Variants in CNTNAP2 observed in about 807,000 individuals in gnomAD.
CNTNAP2 encodes contactin associated protein 2, also known as contactin-associated protein-like 2.
In CNTNAP2, 98 loss-of-function variants were observed where a neutral mutation model predicts 155.2. The observed-to-expected ratio is 0.63, with a 90% confidence interval of 0.54 to 0.75. CNTNAP2 has a LOEUF of 0.75. Ranked by LOEUF, CNTNAP2 falls within the 30% of genes least tolerant of loss-of-function variation. The pLI is 0.00. For missense variants in CNTNAP2, 1,727 were observed against 1,688.1 expected (o/e 1.02, Z -0.40); for synonymous variants, 651 against 631.2 (o/e 1.03, Z -0.47).
intron 13 of CNTNAP2, among the ~76,000 whole-genome samples, chr7:147,658,603 G>A (rs1219446008): frequency 6.6e-6 from 1 of 152,154 alleles, no homozygotes; most frequent in African/African-American, 2.4e-5. Context: ...ATCTCCCCCT[G>A]CAGGGCTACC....
At chr7:147,462,765 G>A (rs951918327) in intron 10 of CNTNAP2, among the ~76,000 whole-genome samples, 9 of 152,108 alleles carry the variant, frequency 5.9e-5, no homozygotes, top group African/African-American at 2.2e-4. Context: ...TAATCAATGG[G>A]ATTTTTTGTT....
chr7:146,550,429 T>TTTA (rs1445469941), intron 1 of CNTNAP2, among the ~76,000 whole-genome samples: 2 of 136,388 alleles, frequency 1.5e-5, no homozygotes, highest in African/African-American at 5.4e-5. Context: ...TTTTTTTTTT[T>TTTA]ATAAAGTACC....
In CNTNAP2 at chr7:148,365,977, CAT is replaced by C. The variant is rs1798753394; in HGVS notation, c.3476-17671_3476-17670del. 1.7e-3 allele frequency among the ~76,000 whole-genome samples: 4 copies of C among 2,348 alleles called. 2 individuals carry two copies. Among genetic ancestry groups the C allele is most frequent in the African/African-American group, 2.0e-3 (4 of 1,956 alleles). 1.5% of individuals were successfully genotyped at this position (2,348 alleles called of 152,430 possible). ...GTATGCATGTATACATGTGTGTATG[CAT>C]GTATACATGTGTGTATGCATGTATG... On this transcript the variant is annotated intron_variant, in intron 21 of 23. Coordinates refer to ENST00000361727, the MANE Select transcript of CNTNAP2 (RefSeq NM_014141.6).
intron 18 of CNTNAP2, among the ~76,000 whole-genome samples, chr7:148,175,059 C>T (rs965834937): frequency 6.6e-6 from 1 of 152,202 alleles, no homozygotes; most frequent in Non-Finnish European, 1.5e-5. Flanking sequence ...CCTGTAGCTT[C>T]ATCCATGACC....
chr7:148,338,208 T>C (rs1798155567), intron 21 of CNTNAP2, among the ~76,000 whole-genome samples: 1 of 152,226 alleles, frequency 6.6e-6, no homozygotes, highest in African/African-American at 2.4e-5. Flanking sequence ...TGTGAGCATT[T>C]AGAAAGATCA....
intron 2 of CNTNAP2, among the ~76,000 whole-genome samples, chr7:146,826,415 G>T (rs921603902): frequency 1.3e-5 from 2 of 152,044 alleles, no homozygotes; most frequent in African/African-American, 4.8e-5. Context: ...TTTCTACTTT[G>T]AATTGTGGAT....
At chr7:148,332,683 A>C (rs577729242) in intron 21 of CNTNAP2, among the ~76,000 whole-genome samples, 2 of 152,370 alleles carry the variant, frequency 1.3e-5, no homozygotes, top group African/African-American at 4.8e-5. Flanking sequence ...AGACATGGAA[A>C]GAGGTTCTCC....
Position 147,842,624 on chromosome 7 carries a change from G to C in CNTNAP2, c.2099-60941G>C, listed in dbSNP as rs561770470. On this transcript the variant is annotated intron_variant, in intron 13 of 23. Coordinates refer to ENST00000361727, the MANE Select transcript of CNTNAP2 (RefSeq NM_014141.6). ...TTTTTTATTATACTCTAAGTTTTAGGGTACATGTGCACATTGTGCAGGTTA... is the reference window on the plus strand; with the variant it reads ...TTTTTTATTATACTCTAAGTTTTAGCGTACATGTGCACATTGTGCAGGTTA... Among the ~76,000 whole-genome samples the C allele has an allele frequency of 7.7e-3, 688 of 88,942 alleles. 17 individuals carry two copies. The highest frequency in any genetic ancestry group is 0.031 in the African/African-American group (655 of 20,946). 58.3% of individuals were successfully genotyped at this position (88,942 alleles called of 152,430 possible). A position where few individuals can be genotyped will look rare whatever the true frequency, so the allele number is the denominator to read the frequency against.
intron 3 of CNTNAP2, among the ~76,000 whole-genome samples, chr7:146,843,213 C>T (rs1390226408): frequency 7.1e-6 from 1 of 140,556 alleles, no homozygotes; most frequent in African/African-American, 2.9e-5. Context: ...GGGGTTTCAC[C>T]TTGTTAGCCA....
rs73740413 is a variant in CNTNAP2, at chr7:146,285,294, A to C, written c.97+168321A>C. On this transcript the variant is annotated intron_variant, in intron 1 of 23. Coordinates refer to ENST00000361727, the MANE Select transcript of CNTNAP2 (RefSeq NM_014141.6). ...GAAAAGAGGTATAATATAAATCCTT[A>C]ACTAATTAACCTTGACTATCATAAG... Among the ~76,000 whole-genome samples, 651 of 152,280 alleles carry C rather than the reference A, an allele frequency of 4.3e-3. 5 individuals carry two copies. The highest frequency in any genetic ancestry group is 0.015 in the African/African-American group (624 of 41,552).
chr7:146,344,971 A>G (rs1008445645), intron 1 of CNTNAP2, among the ~76,000 whole-genome samples: 5 of 152,210 alleles, frequency 3.3e-5, no homozygotes, highest in African/African-American at 9.6e-5. Flanking sequence ...AGTCTGGAGA[A>G]TAATATGAAA....
chr7:148,052,225 G>A (rs1284969847), intron 15 of CNTNAP2, among the ~76,000 whole-genome samples: 1 of 151,122 alleles, frequency 6.6e-6, no homozygotes, highest in African/African-American at 2.4e-5. Context: ...AAAAGTTCAT[G>A]TAAGTACAAA....
chr7:148,183,107 A>G (rs1795063945), intron 18 of CNTNAP2, among the ~76,000 whole-genome samples: 1 of 152,246 alleles, frequency 6.6e-6, no homozygotes. Context: ...TGGGGGAAGC[A>G]GTGGATTGCC....
intron 13 of CNTNAP2, among the ~76,000 whole-genome samples, chr7:147,652,890 T>C (rs1338842564): frequency 6.6e-6 from 1 of 152,158 alleles, no homozygotes; most frequent in African/African-American, 2.4e-5. Flanking sequence ...TTTTTTGTTG[T>C]TTTGTTAAGT....
At chr7:147,341,495 T>C (rs2116860550) in intron 9 of CNTNAP2, among the ~76,000 whole-genome samples, 1 of 152,136 alleles carries the variant, frequency 6.6e-6, no homozygotes, top group East Asian at 1.9e-4. Flanking sequence ...AATAAATAGA[T>C]TAAAAATGGA....
chr7:147,660,655 T>C (rs551488098), intron 13 of CNTNAP2, among the ~76,000 whole-genome samples: 2 of 152,326 alleles, frequency 1.3e-5, no homozygotes, highest in South Asian at 2.1e-4. Context: ...TGCATATTGA[T>C]CATCTGCTCT....
At chr7:146,671,137 C>A (rs1409123718) in intron 1 of CNTNAP2, among the ~76,000 whole-genome samples, 1 of 152,130 alleles carries the variant, frequency 6.6e-6, no homozygotes, top group Non-Finnish European at 1.5e-5. Flanking sequence ...AGAGACTTTT[C>A]TTCTTAAACT....
chr7:146,289,537 T>G (rs1252893709), intron 1 of CNTNAP2, among the ~76,000 whole-genome samples: 2 of 152,226 alleles, frequency 1.3e-5, no homozygotes, highest in Non-Finnish European at 2.9e-5. Flanking sequence ...AAGTGTGTTT[T>G]TACTAATTTT....
intron 18 of CNTNAP2, among the ~76,000 whole-genome samples, chr7:148,179,195 C>G (rs146807011): frequency 6.6e-6 from 1 of 152,240 alleles, no homozygotes; most frequent in African/African-American, 2.4e-5. Flanking sequence ...CTTCCTGACT[C>G]AAGGCCCATC....
Sources: allele counts gnomAD v4.1 joint callset (sites outside exome capture counted in the v4.1 genomes callset), GRCh38; gene constraint gnomAD v4.1.1; transcripts MANE v1.5; gene names NCBI Gene and HGNC (gene_info 2026-07-23, HGNC 2026-07-21).